MEGF6: variants seen among roughly 807,000 people sequenced by gnomAD.
MEGF6 encodes multiple EGF like domains 6.
Under a neutral mutation model 207.1 loss-of-function variants are expected in MEGF6, and 184 were observed. That is an observed-to-expected ratio of 0.89 (90% CI 0.79 to 1.00). MEGF6 has a LOEUF of 1.00. Among genes scored for constraint, MEGF6 ranks in the 50% least tolerant of loss-of-function variants. The pLI is 0.00. For missense variants in MEGF6, 2,282 were observed against 2,202.9 expected (o/e 1.04, Z -0.72); for synonymous variants, 1,038 against 910.0 (o/e 1.14, Z -2.53).
At chr1:3,555,494 C>T (rs1316915027) in intron 4 of MEGF6, among the ~76,000 whole-genome samples, 4 of 152,226 alleles carry the variant, frequency 2.6e-5, no homozygotes, top group Admixed American at 6.5e-5. Flanking sequence ...GCACTGAGGG[C>T]GCCGTGTTTA....
chr1:3,488,423 A>G lies in MEGF6; in HGVS notation c.*2105T>C, dbSNP rs1183422138. Among the ~76,000 whole-genome samples, 4 of 152,162 alleles carry G rather than the reference A, an allele frequency of 2.6e-5. No homozygotes were observed. Among genetic ancestry groups the G allele is most frequent in the African/African-American group, 7.2e-5 (3 of 41,440 alleles). ...CTGTCGGGGGTTCCCATTGGGGAGT[A>G]ATGGTGATATTCTGACTCTCTGAAT... On this transcript the variant is annotated 3_prime_UTR_variant, in exon 37 of 37. Coordinates refer to ENST00000356575, the MANE Select transcript of MEGF6 (RefSeq NM_001409.4).
At chr1:3,606,416 C>G (rs1015756191) in intron 1 of MEGF6, among the ~76,000 whole-genome samples, 5 of 152,228 alleles carry the variant, frequency 3.3e-5, no homozygotes, top group African/African-American at 4.8e-5. Flanking sequence ...GTCTCACCGC[C>G]AAGCAGCCTG....
At chr1:3,561,644 A>G (rs1390581737) in intron 4 of MEGF6, among the ~76,000 whole-genome samples, 1 of 152,054 alleles carries the variant, frequency 6.6e-6, no homozygotes, top group Non-Finnish European at 1.5e-5. Flanking sequence ...GATGACAAAG[A>G]CCGTTCCCGC....
intron 3 of MEGF6, among the ~76,000 whole-genome samples, chr1:3,593,750 G>A (rs1257920116): frequency 6.6e-6 from 1 of 152,034 alleles, no homozygotes; most frequent in Non-Finnish European, 1.5e-5. Flanking sequence ...CAGACGACAG[G>A]AGCAAAGAAA....
chr1:3,600,504 G>A (rs771793710), intron 2 of MEGF6, among the ~76,000 whole-genome samples: 79 of 152,190 alleles, frequency 5.2e-4, no homozygotes, highest in Non-Finnish European at 7.9e-4. Context: ...GGCGGGAGCT[G>A]GAGGGCGGGG....
At chr1:3,517,402 A>C (rs1168035499) in intron 5 of MEGF6, among the ~76,000 whole-genome samples, 1 of 152,336 alleles carries the variant, frequency 6.6e-6, no homozygotes, top group East Asian at 1.9e-4. Flanking sequence ...GGATCCCCCC[A>C]GAGCCTGTCC....
chr1:3,584,702 G>A (rs546639328), intron 3 of MEGF6, among the ~76,000 whole-genome samples: 1 of 152,340 alleles, frequency 6.6e-6, no homozygotes, highest in Non-Finnish European at 1.5e-5. Context: ...CGGAGCCGAG[G>A]ATCAGGGACT....
intron 4 of MEGF6, among the ~76,000 whole-genome samples, chr1:3,529,278 G>A (rs1642067666): frequency 6.6e-6 from 1 of 152,190 alleles, no homozygotes; most frequent in Admixed American, 6.5e-5. Flanking sequence ...GGTTAGCGGG[G>A]CCCCAGCAAA....
chr1:3,552,643 C>T (rs1462774331), intron 4 of MEGF6, among the ~76,000 whole-genome samples: 1 of 152,210 alleles, frequency 6.6e-6, no homozygotes, highest in Non-Finnish European at 1.5e-5. Flanking sequence ...GGCTGCAGTA[C>T]GGTATGGTCA....
chr1:3,564,233 G>A (rs1174751738), intron 4 of MEGF6, among the ~76,000 whole-genome samples: 5 of 151,772 alleles, frequency 3.3e-5, no homozygotes, highest in South Asian at 2.1e-4. Context: ...CGGGGTGGGG[G>A]AGCTGAGTCA....
rs761854180 is a variant in MEGF6 at position 3,509,886 on chromosome 1, G to T, written c.1341C>A (p.Asp447Glu). Residue 447 changes from aspartate (D) to glutamate (E), a missense_variant, in exon 11 of 37, where the codon GAC (aspartate) becomes GAA (glutamate). Physicochemically the swap from Asp to Glu is conservative, Grantham distance 45 (BLOSUM62 2). Coordinates refer to ENST00000356575, the MANE Select transcript of MEGF6 (RefSeq NM_001409.4). ...SCEAGYRLHE[D>E]RRGCSPLEEP... ...GAGACTCACGGCTGCAGCCCCTACG[G>T]TCCTCGTGCAGCCGGTAGCCGGCCT... is the stretch of plus-strand genomic sequence containing the variant. The T allele has an allele frequency of 2.7e-5, 42 of 1,560,120 alleles. No individual in the cohort carries two copies. Among genetic ancestry groups the T allele is most frequent in the Non-Finnish European group, 3.5e-5 (41 of 1,154,954 alleles).
chr1:3,579,672 G>A (rs529556024), intron 4 of MEGF6, among the ~76,000 whole-genome samples, 153 bp downstream of exon 4: 2 of 152,362 alleles, frequency 1.3e-5, no homozygotes, highest in East Asian at 1.9e-4. Flanking sequence ...GGAACTGGTG[G>A]AGGGATTGCG....
chr1:3,505,521 C>T lies in MEGF6; in HGVS notation c.1954G>A (p.Glu652Lys). ...TGGGGCTGCACACACTGGCACTCCT[C>T]CGAGCAGCCCGGCCCAAAGGCCCAC... Reference protein sequence around the residue: ...PPWAFGPGCSEECQCVQPHTQ... With the variant: ...PPWAFGPGCSKECQCVQPHTQ... The change falls in exon 16 of 37, where the codon GAG becomes AAG. Residue 652 changes from glutamate to lysine, a missense_variant. Physicochemically the swap from Glu to Lys is moderately conservative, Grantham distance 56 (BLOSUM62 1). Transcript: ENST00000356575. The T allele has an allele frequency of 6.3e-7, 1 of 1,598,046 alleles. No homozygotes were observed. Among genetic ancestry groups the T allele is most frequent in the South Asian group, 1.1e-5 (1 of 89,158 alleles).
chr1:3,530,655 T>C (rs532074172), intron 4 of MEGF6, among the ~76,000 whole-genome samples: 1 of 152,238 alleles, frequency 6.6e-6, no homozygotes, highest in East Asian at 1.9e-4. Context: ...ACCTGCCACA[T>C]CCACAGACAG....
At chr1:3,520,406 C>T (rs998278841) in intron 5 of MEGF6, among the ~76,000 whole-genome samples, 1 of 152,202 alleles carries the variant, frequency 6.6e-6, no homozygotes, top group Non-Finnish European at 1.5e-5. Context: ...AAGAATGATG[C>T]CCCCAGACAC....
chr1:3,583,887 C>CGCAGCCACCAGACAACGG, intron 3 of MEGF6, among the ~76,000 whole-genome samples: 1 of 152,174 alleles, frequency 6.6e-6, no homozygotes, highest in East Asian at 1.9e-4. Context: ...CCAGACAACG[C>CGCAGCCACCAGACAACGG]GCAGCCACCA....
intron 4 of MEGF6, among the ~76,000 whole-genome samples, chr1:3,575,765 C>T (rs757763889): frequency 2.0e-5 from 3 of 152,222 alleles, no homozygotes; most frequent in Admixed American, 1.3e-4. Flanking sequence ...CATGACTCAA[C>T]CACCTTCCAC....
intron 4 of MEGF6, among the ~76,000 whole-genome samples, chr1:3,528,984 G>A (rs970554359): frequency 6.6e-6 from 1 of 152,152 alleles, no homozygotes; most frequent in African/African-American, 2.4e-5. Flanking sequence ...CAGACACTCG[G>A]ACCATCTGGG....
At chr1:3,492,433 G>C (rs573559482) in intron 35 of MEGF6, among the ~76,000 whole-genome samples, 1 of 152,168 alleles carries the variant, frequency 6.6e-6, no homozygotes, top group Non-Finnish European at 1.5e-5. Flanking sequence ...CTGGTTAAGT[G>C]ACTGTGAAGC....
Sources: allele counts gnomAD v4.1 joint callset (sites outside exome capture counted in the v4.1 genomes callset), GRCh38; gene constraint gnomAD v4.1.1; transcripts MANE v1.5; gene names NCBI Gene and HGNC (gene_info 2026-07-23, HGNC 2026-07-21).